The following RRN3 variants were observed in gnomAD, a reference collection of about 807,000 sequenced individuals.
RRN3 encodes RNA polymerase I-specific transcription initiation factor RRN3.
A neutral mutation model predicts 82.3 loss-of-function variants in RRN3; 38 were observed. The observed-to-expected ratio is 0.46, with a 90% CI of 0.36 to 0.61. The LOEUF is 0.61. Among genes scored for constraint, RRN3 ranks in the 20% least tolerant of loss-of-function variants. RRN3 has a pLI of 0.00. For missense variants in RRN3, 726 were observed against 793.1 expected (o/e 0.92, Z 1.02); for synonymous variants, 284 against 284.3 (o/e 1.00, Z 0.01).
At chr16:15,071,770 AAAAC>A (rs961879484) in intron 12 of RRN3, among the ~76,000 whole-genome samples, 3 of 152,204 alleles carry the variant, frequency 2.0e-5, no homozygotes, top group African/African-American at 4.8e-5. Context: ...TCCATCTCAA[AAAAC>A]AAACAAACAA....
At chr16:15,074,922 G>A (rs778011200) in intron 10 of RRN3, 61 bp from the exon 11 acceptor site, 2 of 1,485,886 alleles carry the variant, frequency 1.3e-6, no homozygotes, top group East Asian at 2.3e-5. Flanking sequence ...GGTTTAGTAG[G>A]AAAACTGTCA....
chr16:15,061,991 G>A (rs1597860036), intron 17 of RRN3, 86 bp from the exon 18 acceptor site: 3 of 1,319,350 alleles, frequency 2.3e-6, no homozygotes, highest in African/African-American at 1.5e-5. Flanking sequence ...AGGTGTTAAC[G>A]TTTGTAAAGA....
intron 11 of RRN3, among the ~76,000 whole-genome samples, chr16:15,073,790 A>AC (rs2045339496): frequency 6.6e-6 from 1 of 151,972 alleles, no homozygotes; most frequent in East Asian, 1.9e-4. Flanking sequence ...TATTATTACG[A>AC]CTTTTTTTTT....
intron 5 of RRN3, among the ~76,000 whole-genome samples, 179 bp from the exon 6 acceptor site, chr16:15,085,877 T>C (rs1597985546): frequency 1.3e-5 from 2 of 152,204 alleles, no homozygotes; most frequent in South Asian, 4.1e-4. Flanking sequence ...AGCAACTTTA[T>C]AGTTTTTAAA....
rs752380964 is a variant in RRN3 at position 15,063,266 on chromosome 16, T to G, written c.1724A>C (p.Asp575Ala). The G allele has an allele frequency of 1.9e-6, 3 of 1,612,712 alleles. No homozygotes were observed. The highest frequency in any genetic ancestry group is 2.7e-5 in the African/African-American group (2 of 74,864). The change falls in exon 17 of 18, where the codon GAT (aspartate) becomes GCT (alanine). Residue 575 changes from aspartate (D) to alanine (A), a missense_variant. This residue lies in a region of RRN3 where 166 missense variants were observed against 154.8 expected (regional missense o/e 1.07). Transcript: ENST00000198767. ...GTCTTCCCACACCTGATAAATAGGA[T>G]CAATGAATTTCTTTGACCTGTCAAC... ...CVLKRSKKFIDPIYQVWEDMS... is the reference protein window; with the variant it reads ...CVLKRSKKFIAPIYQVWEDMS...
intron 9 of RRN3, among the ~76,000 whole-genome samples, chr16:15,079,593 TTTC>T (rs1352023388): frequency 2.0e-5 from 2 of 98,436 alleles, no homozygotes; most frequent in African/African-American, 5.8e-5. Context: ...AGTGGTTTCT[TTTC>T]TTTTTTTTTT....
At chr16:15,076,243 G>C (rs1430321613) in intron 10 of RRN3, among the ~76,000 whole-genome samples, 2 of 152,152 alleles carry the variant, frequency 1.3e-5, no homozygotes, top group South Asian at 2.1e-4. Context: ...GTAAAATGCA[G>C]AAATTAAACA....
At chr16:15,085,793 A>G in intron 5 of RRN3, 95 bp from the exon 6 acceptor site, 2 of 1,516,370 alleles carry the variant, frequency 1.3e-6, no homozygotes. Context: ...ATGAACAGCT[A>G]TAAAAAAAGT....
chr16:15,083,190 G>A (rs929401421), intron 8 of RRN3, among the ~76,000 whole-genome samples: 1 of 152,174 alleles, frequency 6.6e-6, no homozygotes, highest in African/African-American at 2.4e-5. Context: ...CACAAGGTCA[G>A]GCGTTCGATA....
Position 15,061,826 on chromosome 16 carries a change from C to T in RRN3, c.1874G>A (p.Ser625Asn). ...ACTTCGGAAATGCGTGTCAAAGGAG[C>T]TTGGTGTGATCCCAATCACGGTATC... ...QNDTVIGITP[S>N]SFDTHFRSPS... Residue 625 changes from serine to asparagine, a missense_variant, in exon 18 of 18, where the codon AGC (serine) becomes AAC (asparagine). Coordinates refer to ENST00000198767, the MANE Select transcript of RRN3 (RefSeq NM_018427.5). The T allele has an allele frequency of 6.2e-7, 1 of 1,614,182 alleles. No individual in the cohort carries two copies. The highest frequency in any genetic ancestry group is 1.1e-5 in the South Asian group (1 of 91,082).
Position 15,063,224 on chromosome 16 carries a change from A to G in RRN3, c.1766T>C (p.Leu589Pro), listed in dbSNP as rs761133626. Residue 589 changes from leucine (L) to proline (P), a missense_variant, in exon 17 of 18, where the codon CTA becomes CCA. Transcript: ENST00000198767. ...QVWEDMSAEE[L>P]QEFKKPMKKD... The stretch of plus-strand genomic sequence containing the variant: ...TTTCATGGGTTTCTTGAACTCCTGT[A>G]GCTCTTCAGCACTCATGTCTTCCCA... 1 of 1,613,016 alleles carries G rather than the reference A, an allele frequency of 6.2e-7. No homozygotes were observed. The highest frequency in any genetic ancestry group is 8.5e-7 in the Non-Finnish European group (1 of 1,178,970).
chr16:15,068,895 A>G (rs1300374423), intron 14 of RRN3, among the ~76,000 whole-genome samples: 2 of 152,220 alleles, frequency 1.3e-5, no homozygotes, highest in East Asian at 1.9e-4. Context: ...GTACTTAAGT[A>G]TATTTTCTTA....
chr16:15,079,596 C>CTT (rs35328128), intron 9 of RRN3, among the ~76,000 whole-genome samples: 1 of 143,014 alleles, frequency 7.0e-6, no homozygotes, highest in Non-Finnish European at 1.5e-5. Flanking sequence ...GGTTTCTTTT[C>CTT]TTTTTTTTTT....
chr16:15,080,485 C>T (rs576162355), intron 8 of RRN3, among the ~76,000 whole-genome samples: 3 of 152,250 alleles, frequency 2.0e-5, no homozygotes, highest in African/African-American at 4.8e-5. Context: ...CTCAGGATGG[C>T]GTACAGTGGT....
intron 6 of RRN3, 43 bp from the exon 7 acceptor site, chr16:15,084,748 T>G: frequency 7.3e-7 from 1 of 1,377,046 alleles, no homozygotes; most frequent in Non-Finnish European, 1.0e-6. Flanking sequence ...AAAACAAAAC[T>G]GAAGGGCGAC....
At chr16:15,069,018 G>A (rs933623184) in intron 14 of RRN3, among the ~76,000 whole-genome samples, 1 of 152,164 alleles carries the variant, frequency 6.6e-6, no homozygotes, top group Non-Finnish European at 1.5e-5. Context: ...AAGAAAAGCA[G>A]AGCTTGTATT....
chr16:15,086,524 A>G, intron 3 of RRN3, 70 bp from the exon 4 acceptor site: 1 of 1,589,432 alleles, frequency 6.3e-7, no homozygotes, highest in Non-Finnish European at 8.6e-7. Flanking sequence ...CAGCTATCTT[A>G]TATCAATCAT....
chr16:15,090,981 T>A (rs1168787316), intron 3 of RRN3, among the ~76,000 whole-genome samples: 1 of 148,714 alleles, frequency 6.7e-6, no homozygotes, highest in East Asian at 2.0e-4. Flanking sequence ...TAGAGCAGGG[T>A]TTCCCAGCCT....
In RRN3 at chr16:15,076,557, C is replaced by T. The variant is rs758686142; in HGVS notation, c.858+1G>A. 6.3e-7 allele frequency: 1 copy of T among 1,599,726 alleles called. No individual in the cohort carries two copies. Among genetic ancestry groups the T allele is most frequent in the East Asian group, 2.2e-5 (1 of 44,828 alleles). On this transcript the variant is annotated splice_donor_variant, in intron 10 of 17. Transcript: ENST00000198767. LOFTEE classifies it high-confidence loss of function. ...TCCACTTTCATTAATAAACTGCTAA[C>T]CATATTAAACAATCCTTCCGTGGAA...
Sources: gnomAD v4.1 joint callset for allele counts (sites outside exome capture counted in the v4.1 genomes callset) on GRCh38, gnomAD v4.1.1 for gene constraint, gnomAD v4.1.1 regional missense constraint, MANE v1.5 for transcripts, NCBI Gene and HGNC (gene_info 2026-07-23, HGNC 2026-07-21) for gene names.